Variants in ARHGEF17 observed in about 807,000 individuals in gnomAD.
ARHGEF17 encodes 164 kDa Rho-specific guanine-nucleotide exchange factor.
ARHGEF17 carries 80 observed loss-of-function variants against 174.0 expected under a neutral mutation model. That is an observed-to-expected ratio of 0.46 (90% CI 0.38 to 0.55). ARHGEF17 has a LOEUF of 0.55. ARHGEF17 is among the 20% of genes least tolerant of loss of function. ARHGEF17 has a pLI of 0.00. For missense variants in ARHGEF17, 2,886 were observed against 2,839.7 expected, an observed-to-expected ratio of 1.02 and a Z score of -0.37; for synonymous variants, 1,311 against 1,189.1, an observed-to-expected ratio of 1.10 and a Z score of -2.11.
In ARHGEF17 at chr11:73,309,718, G is replaced by T; in HGVS notation, c.1080G>T (p.Arg360=). 2 of 1,612,956 alleles carry T rather than the reference G, an allele frequency of 1.2e-6. No individual in the cohort carries two copies. Among genetic ancestry groups the T allele is most frequent in the East Asian group, 2.2e-5 (1 of 44,888 alleles). Residue 360 remains arginine (R), a synonymous_variant, in exon 1 of 21, where the codon CGG becomes CGT. Coordinates refer to ENST00000263674, the MANE Select transcript of ARHGEF17 (RefSeq NM_014786.4). ...TCCCAGGTCCCCAGGAGGGACTTCG[G>T]CCTATGTCTGACTCTGTGGGAGGAG... ...PCVPGPQEGL[R]PMSDSVGGAF... is the part of the protein sequence containing the mutation.
At position 73,340,640 on chromosome 11, in the gene ARHGEF17, G is replaced by A. The variant is rs117084582; in HGVS notation, c.3193-6243G>A. 6.1e-3 allele frequency among the ~76,000 whole-genome samples: 926 copies of A among 152,340 alleles called. 9 individuals are homozygous for A. Among genetic ancestry groups the A allele is most frequent in the Middle Eastern group, 0.027 (8 of 294 alleles). ...CACTCAGAGGAAGCTGATGCCCAGGGTTGTGTAGCTTGAGAGGGTCAGATG... is the reference window on the plus strand; with the variant it reads ...CACTCAGAGGAAGCTGATGCCCAGGATTGTGTAGCTTGAGAGGGTCAGATG... On this transcript the variant is annotated intron_variant, in intron 1 of 20. Transcript: ENST00000263674.
intron 2 of ARHGEF17, 186 bp downstream of exon 2, chr11:73,347,146 G>C (rs914578528): frequency 1.4e-6 from 1 of 719,752 alleles, no homozygotes; most frequent in Non-Finnish European, 2.5e-6. Flanking sequence ...GGCTTCTCCC[G>C]GGCAAGAGAG....
At chr11:73,345,714 A>G (rs1016968911) in intron 1 of ARHGEF17, among the ~76,000 whole-genome samples, 16 of 152,206 alleles carry the variant, frequency 1.1e-4, no homozygotes, top group Non-Finnish European at 1.5e-5. Context: ...GTAAGCCTTG[A>G]TGGCAGGAAC....
intron 20 of ARHGEF17, among the ~76,000 whole-genome samples, chr11:73,366,660 A>C (rs550378587): frequency 6.2e-4 from 95 of 152,278 alleles, no homozygotes; most frequent in African/African-American, 2.1e-3. Context: ...ACTTGAGCCC[A>C]GGGAAGTCGA....
Position 73,361,129 on chromosome 11 carries a change from A to C in ARHGEF17, c.4462A>C (p.Ile1488Leu). The change falls in exon 12 of 21, where the codon ATC becomes CTC. Residue 1488 changes from isoleucine (I) to leucine (L), a missense_variant. Physicochemically the swap from Ile to Leu is conservative, Grantham distance 5 (BLOSUM62 2). Coordinates refer to ENST00000263674, the MANE Select transcript of ARHGEF17 (RefSeq NM_014786.4). ...SCLDPEFLKA[I>L]PIMKTRSGMQ... ...TCTAGACCCTGAGTTCCTGAAGGCC[A>C]TCCCCATCATGAAAACCCGCAGTGG... The C allele has an allele frequency of 1.2e-6, 2 of 1,614,156 alleles. No individual in the cohort carries two copies. Among genetic ancestry groups the C allele is most frequent in the Non-Finnish European group, 1.7e-6 (2 of 1,180,016 alleles).
At chr11:73,336,686 G>A (rs530399457) in intron 1 of ARHGEF17, among the ~76,000 whole-genome samples, 8 of 152,156 alleles carry the variant, frequency 5.3e-5, no homozygotes, top group African/African-American at 1.2e-4. Flanking sequence ...TTCACATTCC[G>A]TCTCTTCCAC....
intron 10 of ARHGEF17, 135 bp from the exon 11 acceptor site, chr11:73,360,185 C>A: frequency 9.6e-7 from 1 of 1,042,702 alleles, no homozygotes; most frequent in Non-Finnish European, 1.4e-6. Flanking sequence ...CCCCATATAT[C>A]AAAGGAATCC....
chr11:73,309,001 A>G lies in ARHGEF17; in HGVS notation c.363A>G (p.Gly121=). ...AEEAAEGPAR[G]AWPSVTEMRK... ...AAGCGGCCGAGGGCCCAGCGCGAGG[A>G]GCCTGGCCCAGCGTCACCGAGATGC... is the stretch of plus-strand genomic sequence containing the variant. Residue 121 remains glycine, a synonymous_variant, in exon 1 of 21, where the codon GGA becomes GGG. Transcript: ENST00000263674. The G allele has an allele frequency of 7.2e-7, 1 of 1,385,406 alleles. No homozygotes were observed. The highest frequency in any genetic ancestry group is 9.3e-7 in the Non-Finnish European group (1 of 1,073,832). 85.8% of individuals were successfully genotyped at this position (1,385,406 alleles called of 1,614,324 possible).
chr11:73,308,647 C>T lies in ARHGEF17; in HGVS notation c.9C>T (p.Asp3=), dbSNP rs775480436. 5 of 1,496,586 alleles carry T rather than the reference C, an allele frequency of 3.3e-6. No individual in the cohort carries two copies. The highest frequency in any genetic ancestry group is 2.5e-5 in the South Asian group (2 of 79,148). The allele number at this position is 1,496,586 out of a possible 1,614,324, so 92.7% of individuals were successfully genotyped here. Residue 3 remains aspartate, a synonymous_variant, in exon 1 of 21, where the codon GAC becomes GAT. Coordinates refer to ENST00000263674, the MANE Select transcript of ARHGEF17 (RefSeq NM_014786.4). MA[D]GAPRPQLYRS... is the part of the protein sequence containing the mutation. Reference sequence around the variant, plus strand: ...GAGTGAGTTACGCCACTATGGCGGACGGGGCACCCCGGCCCCAGCTTTACC... The same window carrying T: ...GAGTGAGTTACGCCACTATGGCGGATGGGGCACCCCGGCCCCAGCTTTACC...
At chr11:73,342,849 G>C (rs772288287) in intron 1 of ARHGEF17, 1 of 153,800 alleles carries the variant, frequency 6.5e-6, no homozygotes, top group African/African-American at 2.4e-5. Flanking sequence ...CGTGCTGGGG[G>C]AGATGGGGCG....
At chr11:73,360,260 G>A (rs917625696) in intron 10 of ARHGEF17, 60 bp from the exon 11 acceptor site, 2 of 1,580,528 alleles carry the variant, frequency 1.3e-6, no homozygotes, top group Admixed American at 1.7e-5. Context: ...CACACATTAA[G>A]GGCAGGTGCA....
chr11:73,362,473 C>A lies in ARHGEF17; in HGVS notation c.4735C>A (p.Pro1579Thr). ...PSLRSPPETA[P>T]EPAGPELDVE... The stretch of plus-strand genomic sequence containing the variant: ...GCTGAGGAGTCCTCCAGAGACGGCA[C>A]CGGAGCCCGCCGGGCCGGAGCTGGA... The change falls in exon 14 of 21, where the codon CCG becomes ACG. Residue 1579 changes from proline to threonine, a missense_variant. Pro to Thr is a conservative substitution (Grantham distance 38). Transcript: ENST00000263674. 6.3e-7 allele frequency: 1 copy of A among 1,591,778 alleles called. No homozygotes were observed.
At position 73,355,637 on chromosome 11, in the gene ARHGEF17, C is replaced by G; in HGVS notation, c.3558C>G (p.Leu1186=). 6.2e-7 allele frequency: 1 copy of G among 1,613,974 alleles called. No individual in the cohort carries two copies. The highest frequency in any genetic ancestry group is 8.5e-7 in the Non-Finnish European group (1 of 1,179,840). Reference sequence around the variant, plus strand: ...CCAAGGAGGCGAGGCCTGCCTTTCTCAAGTTCCTAGAGGTACTGTGGGCTA... The same window carrying G: ...CCAAGGAGGCGAGGCCTGCCTTTCTGAAGTTCCTAGAGGTACTGTGGGCTA... The part of the protein sequence containing the change: ...RVAKEARPAF[L]KFLEQSMREN... Residue 1186 remains leucine (L), a synonymous_variant, in exon 4 of 21, where the codon CTC becomes CTG. Transcript: ENST00000263674.
rs1490862660 is a variant in ARHGEF17, at chr11:73,347,094, C to G, written c.3270+134C>G. On this transcript the variant is annotated intron_variant, in intron 2 of 20. Coordinates refer to ENST00000263674, the MANE Select transcript of ARHGEF17 (RefSeq NM_014786.4). Reference sequence around the variant, plus strand: ...CGTGTCCCTGGCATCCGTCGCCTTTCCATGAAGAACCCCCAGCATGGCCAT... The same window carrying G: ...CGTGTCCCTGGCATCCGTCGCCTTTGCATGAAGAACCCCCAGCATGGCCAT... 30 of 860,486 alleles carry G rather than the reference C, an allele frequency of 3.5e-5. No individual in the cohort carries two copies. In the East Asian group the frequency reaches 8.0e-4, roughly 23 times the overall value. The allele number at this position is 860,486 out of a possible 1,614,324, so 53.3% of individuals were successfully genotyped here.
At chr11:73,354,785 C>T (rs1053920884) in intron 3 of ARHGEF17, among the ~76,000 whole-genome samples, 2 of 152,160 alleles carry the variant, frequency 1.3e-5, no homozygotes, top group South Asian at 2.1e-4. Context: ...GTAGCTTATC[C>T]ACAGTACAGT....
chr11:73,341,641 A>T (rs1420720318), intron 1 of ARHGEF17, among the ~76,000 whole-genome samples: 1 of 152,216 alleles, frequency 6.6e-6, no homozygotes, highest in Non-Finnish European at 1.5e-5. Context: ...AAGAAAAAGC[A>T]TTACTAGGAG....
In ARHGEF17 at chr11:73,312,902, C is replaced by T. The variant is rs996561470; in HGVS notation, c.3192+1072C>T. On this transcript the variant is annotated intron_variant, in intron 1 of 20. Coordinates refer to ENST00000263674, the MANE Select transcript of ARHGEF17 (RefSeq NM_014786.4). ...GCTTCAGCTATCCCTGGAGTTTAGG[C>T]TGTGGATTCAGATGGGATCCAGATG... Among the ~76,000 whole-genome samples, 3 of 152,186 alleles carry T rather than the reference C, an allele frequency of 2.0e-5. 1 individual carries two copies. The highest frequency in any genetic ancestry group is 7.2e-5 in the African/African-American group (3 of 41,444).
chr11:73,343,218 G>A (rs187946486), intron 1 of ARHGEF17: 12 of 397,940 alleles, frequency 3.0e-5, no homozygotes, highest in Non-Finnish European at 4.9e-5. Context: ...CCCAGCCGCC[G>A]CCTCCGGGGA....
intron 1 of ARHGEF17, among the ~76,000 whole-genome samples, chr11:73,318,498 G>A (rs1220438644): frequency 6.6e-6 from 1 of 152,060 alleles, no homozygotes; most frequent in African/African-American, 2.4e-5. Context: ...AGGTGTGGTG[G>A]CACAGACCTG....
Sources: gnomAD v4.1 joint callset for allele counts (sites outside exome capture counted in the v4.1 genomes callset) on GRCh38, gnomAD v4.1.1 for gene constraint, MANE v1.5 for transcripts, NCBI Gene and HGNC (gene_info 2026-07-23, HGNC 2026-07-21) for gene names.